The following TCEA1 variants were observed in gnomAD, a reference collection of about 807,000 sequenced individuals.
TCEA1 encodes transcription elongation factor A protein 1.
Under a neutral mutation model 43.8 loss-of-function variants are expected in TCEA1, and 21 were observed. The ratio of observed to expected loss-of-function variants is 0.48; its 90% CI spans 0.34 to 0.69. The LOEUF is 0.69. Ranked by LOEUF, TCEA1 falls within the 30% of genes least tolerant of loss-of-function variation. The probability of loss-of-function intolerance (pLI) is 0.01; values close to 1 mark genes in which losing one functional copy is unlikely to be tolerated. For missense variants in TCEA1, 250 were observed against 365.1 expected (o/e 0.68, Z 2.57); for synonymous variants, 104 against 117.5 (o/e 0.88, Z 0.75).
chr8:54,017,501 C>T (rs748152331), intron 1 of TCEA1, among the ~76,000 whole-genome samples: 2 of 152,134 alleles, frequency 1.3e-5, no homozygotes, highest in Admixed American at 6.6e-5. Flanking sequence ...GACATTGTCT[C>T]GCTCTGTCAC....
intron 3 of TCEA1, 69 bp downstream of exon 3, chr8:53,999,876 A>G (rs752811173): frequency 9.1e-7 from 1 of 1,099,726 alleles, no homozygotes. Flanking sequence ...ACTAACCATA[A>G]AATGTAACCA....
chr8:53,972,696 C>A, intron 8 of TCEA1: 1 of 645,520 alleles, frequency 1.5e-6, no homozygotes, highest in Admixed American at 1.8e-5. Context: ...TGAAGATGCC[C>A]CAAAAAAGGA....
chr8:53,979,877 C>T (rs1585994708), intron 7 of TCEA1, among the ~76,000 whole-genome samples: 2 of 152,114 alleles, frequency 1.3e-5, no homozygotes, highest in East Asian at 1.9e-4. Context: ...AGGACCAGTT[C>T]CCACATCCCT....
intron 4 of TCEA1, among the ~76,000 whole-genome samples, chr8:53,991,496 AC>A (rs1326928738): frequency 1.3e-5 from 2 of 151,936 alleles, no homozygotes; most frequent in Non-Finnish European, 2.9e-5. Context: ...GGAGTTCAAG[AC>A]CAGCCTGATC....
chr8:54,019,145 T>C (rs1804939352), intron 1 of TCEA1, among the ~76,000 whole-genome samples: 1 of 152,204 alleles, frequency 6.6e-6, no homozygotes, highest in Non-Finnish European at 1.5e-5. Flanking sequence ...TTTAGTTAAG[T>C]GTGACACCTA....
At position 54,009,432 on chromosome 8, in the gene TCEA1, C is replaced by A. The variant is rs1235191884; in HGVS notation, c.126+998G>T. ...ATATGGAATCAACCTAAGTGCCCAT[C>A]AATGAATAACTGGATAAAGAAAATT... On this transcript the variant is annotated intron_variant, in intron 2 of 9. Coordinates refer to ENST00000521604, the MANE Select transcript of TCEA1 (RefSeq NM_006756.4). 2.0e-5 allele frequency among the ~76,000 whole-genome samples: 3 copies of A among 152,058 alleles called. No individual in the cohort carries two copies. In the East Asian group the frequency reaches 5.8e-4, roughly 29 times the overall value.
intron 6 of TCEA1, among the ~76,000 whole-genome samples, chr8:53,985,411 A>G (rs1358622250): frequency 6.6e-6 from 1 of 152,202 alleles, no homozygotes; most frequent in Non-Finnish European, 1.5e-5. Flanking sequence ...GAGAAAGCAC[A>G]TGTTTGAAAA....
intron 3 of TCEA1, 96 bp downstream of exon 3, chr8:53,999,849 A>C (rs1804197318): frequency 2.3e-6 from 2 of 877,658 alleles, no homozygotes; most frequent in Non-Finnish European, 1.8e-6. Flanking sequence ...TTCACTAAGA[A>C]AAAAATGTAA....
At chr8:53,985,451 C>T (rs924083784) in intron 6 of TCEA1, among the ~76,000 whole-genome samples, 1 of 152,168 alleles carries the variant, frequency 6.6e-6, no homozygotes, top group African/African-American at 2.4e-5. Flanking sequence ...GCTTTACTTG[C>T]CCAAATCCGA....
Position 53,966,891 on chromosome 8 carries a change from G to C in TCEA1, c.*1213C>G. ...AGATTCAGCATAAAATGTAGACTTT[G>C]CAACAGTGGCCTTTAAAGTATGCTA... On this transcript the variant is annotated 3_prime_UTR_variant, in exon 10 of 10. Coordinates refer to ENST00000521604, the MANE Select transcript of TCEA1 (RefSeq NM_006756.4). 4 of 204,236 alleles carry C rather than the reference G, an allele frequency of 2.0e-5. No homozygotes were observed. The highest frequency in any genetic ancestry group is 4.0e-5 in the Non-Finnish European group (4 of 99,956). The allele number at this position is 204,236 out of a possible 1,614,324, so 12.7% of individuals were successfully genotyped here. A position where few individuals can be genotyped will look rare whatever the true frequency, so the allele number is the denominator to read the frequency against.
At chr8:53,989,834 C>G (rs1448001688) in intron 4 of TCEA1, among the ~76,000 whole-genome samples, 1 of 152,060 alleles carries the variant, frequency 6.6e-6, no homozygotes, top group Non-Finnish European at 1.5e-5. Flanking sequence ...GCAGTGGTGC[C>G]ATCACAGCTC....
At chr8:54,012,658 C>T (rs1366980875) in intron 1 of TCEA1, among the ~76,000 whole-genome samples, 3 of 152,120 alleles carry the variant, frequency 2.0e-5, no homozygotes, top group Non-Finnish European at 2.9e-5. Context: ...GATGTATATA[C>T]CAAATTATCT....
chr8:53,990,921 T>C (rs1586009526), intron 4 of TCEA1, among the ~76,000 whole-genome samples: 1 of 152,320 alleles, frequency 6.6e-6, no homozygotes, highest in Non-Finnish European at 1.5e-5. Context: ...TAACCTTCTA[T>C]CTTTCTTTAC....
At chr8:53,977,605 A>G (rs1563467668) in intron 8 of TCEA1, among the ~76,000 whole-genome samples, 1 of 152,210 alleles carries the variant, frequency 6.6e-6, no homozygotes, top group Non-Finnish European at 1.5e-5. Flanking sequence ...CCCCAAATCT[A>G]CTATCTGAAA....
intron 1 of TCEA1, among the ~76,000 whole-genome samples, chr8:54,019,044 A>C (rs1017830287): frequency 3.9e-5 from 6 of 152,194 alleles, no homozygotes; most frequent in Non-Finnish European, 8.8e-5. Flanking sequence ...CTCATCTTGC[A>C]AAGTTGCCTG....
intron 8 of TCEA1, chr8:53,972,432 G>C: frequency 1.9e-6 from 1 of 535,542 alleles, no homozygotes; most frequent in South Asian, 1.5e-5. Flanking sequence ...TTTGTTTCCA[G>C]AAGAATCAAG....
chr8:53,988,791 G>C (rs1803775657), intron 4 of TCEA1, among the ~76,000 whole-genome samples: 1 of 152,202 alleles, frequency 6.6e-6, no homozygotes, highest in African/African-American at 2.4e-5. Flanking sequence ...GTTTCACTGG[G>C]CATGGTGGCT....
intron 3 of TCEA1, among the ~76,000 whole-genome samples, chr8:53,995,571 TA>T (rs747700578): frequency 7.2e-5 from 11 of 152,178 alleles, no homozygotes; most frequent in Non-Finnish European, 1.0e-4. Flanking sequence ...ACATAAGCAA[TA>T]AAGGCTACAT....
chr8:54,015,630 T>C (rs1474221774), intron 1 of TCEA1, among the ~76,000 whole-genome samples: 1 of 152,194 alleles, frequency 6.6e-6, no homozygotes, highest in Non-Finnish European at 1.5e-5. Flanking sequence ...AAATTCATCT[T>C]CATCAAAATT....
Sources: gnomAD v4.1 joint callset for allele counts (sites outside exome capture counted in the v4.1 genomes callset) on GRCh38, gnomAD v4.1.1 for gene constraint, MANE v1.5 for transcripts, NCBI Gene and HGNC (gene_info 2026-07-23, HGNC 2026-07-21) for gene names.